Variants in RHOQ observed in about 807,000 individuals in gnomAD.
The protein encoded by RHOQ is ras homolog family member Q.
Under a neutral mutation model 25.8 loss-of-function variants are expected in RHOQ, and 7 were observed. That is an observed-to-expected ratio of 0.27 (90% CI 0.15 to 0.51). The LOEUF is 0.51. Ranked by LOEUF, RHOQ falls within the 20% of genes least tolerant of loss-of-function variation. The pLI, the probability that RHOQ is intolerant of heterozygous loss-of-function variation, is 0.97. For synonymous variants in RHOQ, 97 were observed against 98.6 expected (o/e 0.98, Z 0.10); for missense variants, 165 against 260.6 (o/e 0.63, Z 2.53).
At chr2:46,577,035 C>T (rs747593740) in intron 4 of RHOQ, 154 of 164,074 alleles carry the variant, frequency 9.4e-4, no homozygotes, top group Non-Finnish European at 1.6e-3. Context: ...TTCTTCATTA[C>T]TTAAACAGTT....
intron 2 of RHOQ, among the ~76,000 whole-genome samples, chr2:46,573,266 A>G (rs1372001217): frequency 2.0e-5 from 3 of 152,014 alleles, no homozygotes; most frequent in Admixed American, 6.6e-5. Context: ...GTTTCACCAC[A>G]TTGGCCAGGC....
chr2:46,558,254 C>T (rs959791386), intron 2 of RHOQ, among the ~76,000 whole-genome samples: 1 of 152,176 alleles, frequency 6.6e-6, no homozygotes, highest in African/African-American at 2.4e-5. Context: ...GCCTCTATCT[C>T]TTGTATTAGA....
intron 2 of RHOQ, 35 bp downstream of exon 2, chr2:46,543,847 C>CT (rs1667939196): frequency 2.5e-6 from 4 of 1,594,478 alleles, no homozygotes; most frequent in Non-Finnish European, 3.4e-6. Context: ...CGCCCCCCTC[C>CT]TGTTCCCCAG....
rs1669403541 is a variant in RHOQ, at chr2:46,582,054, C to T, written c.*971C>T. 6.4e-6 allele frequency: 1 copy of T among 155,120 alleles called. No homozygotes were observed. The highest frequency in any genetic ancestry group is 1.4e-5 in the Non-Finnish European group (1 of 70,230). 9.6% of individuals were successfully genotyped at this position (155,120 alleles called of 1,614,324 possible). A position where few individuals can be genotyped will look rare whatever the true frequency, so the allele number is the denominator to read the frequency against. ...AAAGACCTAGAATCCAAGCGTGTTA[C>T]ATGAAAATTGTAACAGAGCAGCTGC... On this transcript the variant is annotated 3_prime_UTR_variant, in exon 5 of 5. Coordinates refer to ENST00000238738, the MANE Select transcript of RHOQ (RefSeq NM_012249.4).
rs1418735073 is a variant in RHOQ, at chr2:46,552,034, C to G, written c.201+8222C>G. On this transcript the variant is annotated intron_variant, in intron 2 of 4. Coordinates refer to ENST00000238738, the MANE Select transcript of RHOQ (RefSeq NM_012249.4). The surrounding 1 kb of genome is among the most constrained non-coding windows in gnomAD (Gnocchi z 5.0). Reference sequence around the variant, plus strand: ...TTGATGTTAAGTCACTCTCCCTAATCATCTGGCCCATGTTAAATGCCTCTT... The same window carrying G: ...TTGATGTTAAGTCACTCTCCCTAATGATCTGGCCCATGTTAAATGCCTCTT... 6.6e-6 allele frequency among the ~76,000 whole-genome samples: 1 copy of G among 152,228 alleles called. No homozygotes were observed. Among genetic ancestry groups the G allele is most frequent in the Non-Finnish European group, 1.5e-5 (1 of 68,048 alleles).
chr2:46,574,705 G>A (rs976037372), intron 2 of RHOQ, among the ~76,000 whole-genome samples: 1 of 152,098 alleles, frequency 6.6e-6, no homozygotes, highest in African/African-American at 2.4e-5. Flanking sequence ...CCCTTCAAAA[G>A]CATCACAGAA....
At chr2:46,550,157 C>T (rs2103986340) in intron 2 of RHOQ, among the ~76,000 whole-genome samples, 1 of 151,348 alleles carries the variant, frequency 6.6e-6, no homozygotes, top group Non-Finnish European at 1.5e-5. Context: ...CACTTGAGTG[C>T]AGGAATTCAA....
chr2:46,561,658 T>C (rs955590301), intron 2 of RHOQ, among the ~76,000 whole-genome samples: 3 of 149,958 alleles, frequency 2.0e-5, no homozygotes, highest in Admixed American at 1.3e-4. Context: ...GCAGATGTAT[T>C]CTCTCCACTC....
At chr2:46,575,980 A>T in intron 2 of RHOQ, 107 bp from the exon 3 acceptor site, 2 of 817,132 alleles carry the variant, frequency 2.4e-6, no homozygotes, top group South Asian at 2.7e-5. Context: ...ACATTCCACT[A>T]GTGGAGTACT....
chr2:46,545,258 A>T (rs759877311), intron 2 of RHOQ, among the ~76,000 whole-genome samples: 3 of 152,144 alleles, frequency 2.0e-5, no homozygotes, highest in Non-Finnish European at 4.4e-5. Flanking sequence ...ACTAAGACTG[A>T]CTTTTAAGTC....
At chr2:46,546,512 G>GTATATA (rs1277018572) in intron 2 of RHOQ, among the ~76,000 whole-genome samples, 1 of 18,758 alleles carries the variant, frequency 5.3e-5, no homozygotes, top group Non-Finnish European at 1.1e-4. Flanking sequence ...ATATATATAT[G>GTATATA]TATATACATA....
chr2:46,557,631 A>T (rs185944036), intron 2 of RHOQ, among the ~76,000 whole-genome samples: 407 of 152,228 alleles, frequency 2.7e-3, no homozygotes, highest in East Asian at 7.7e-3. Context: ...TAATTTTTTT[A>T]AAAAAACTCA....
At chr2:46,543,368 G>T in intron 1 of RHOQ, 180 bp downstream of exon 1, 1 of 645,522 alleles carries the variant, frequency 1.5e-6, no homozygotes, top group Non-Finnish European at 2.7e-6. Flanking sequence ...CTCGCCCGCT[G>T]ATCCACCCCC....
Position 46,582,913 on chromosome 2 carries a change from C to A in RHOQ, c.*1830C>A, listed in dbSNP as rs1669447974. ...AATCGGACATTTGGATGTCTTCTTTCTTCCAAGAAATGGTGGTTCACATTA... is the reference window on the plus strand; with the variant it reads ...AATCGGACATTTGGATGTCTTCTTTATTCCAAGAAATGGTGGTTCACATTA... On this transcript the variant is annotated 3_prime_UTR_variant, in exon 5 of 5. Transcript: ENST00000238738. 6.6e-6 allele frequency: 1 copy of A among 152,352 alleles called. No individual in the cohort carries two copies. Among genetic ancestry groups the A allele is most frequent in the Non-Finnish European group, 1.5e-5 (1 of 68,022 alleles). 9.4% of individuals were successfully genotyped at this position (152,352 alleles called of 1,614,324 possible). A position where few individuals can be genotyped will look rare whatever the true frequency, so the allele number is the denominator to read the frequency against.
rs934502983 is a variant in RHOQ at position 46,574,732 on chromosome 2, C to A, written c.202-1355C>A. ...ATCACAGAAAAACAAAAGGGTTACC[C>A]ACCAGTCAAGGGTTTGGGACATTAA... On this transcript the variant is annotated intron_variant, in intron 2 of 4. Transcript: ENST00000238738. Among the ~76,000 whole-genome samples the A allele has an allele frequency of 5.3e-5, 8 of 152,136 alleles. No homozygotes were observed. The East Asian group carries it at 1.5e-3, about 29-fold the overall frequency.
rs186583689 is a variant in RHOQ, at chr2:46,576,869, A to C, written c.462+213A>C. 1.4e-3 allele frequency: 531 copies of C among 389,642 alleles called. 1 individual carries two copies. The highest frequency in any genetic ancestry group is 0.01 in the African/African-American group (504 of 48,220). The allele number at this position is 389,642 out of a possible 1,614,324, so 24.1% of individuals were successfully genotyped here. ...TGGGAGATGTCAGATAATTCGCCCA[A>C]GATCCTGCAGGTAATAAATGGCAGA... On this transcript the variant is annotated intron_variant, in intron 4 of 4. Coordinates refer to ENST00000238738, the MANE Select transcript of RHOQ (RefSeq NM_012249.4). The surrounding 1 kb of genome is among the most constrained non-coding windows in gnomAD (Gnocchi z 5.1).
At chr2:46,568,934 C>T (rs528842021) in intron 2 of RHOQ, 2 of 152,210 alleles carry the variant, frequency 1.3e-5, no homozygotes, top group East Asian at 3.8e-4. Flanking sequence ...AAGGAGTATA[C>T]CACATGGAAA....
In RHOQ at chr2:46,543,769, G is replaced by A; in HGVS notation, c.158G>A (p.Gly53Glu). The change falls in exon 2 of 5, where the codon GGG becomes GAG. Residue 53 changes from glycine (G) to glutamate (E), a missense_variant. Physicochemically the swap from Gly to Glu is moderately conservative, Grantham distance 98 (BLOSUM62 -2). Coordinates refer to ENST00000238738, the MANE Select transcript of RHOQ (RefSeq NM_012249.4). ...FDHYAVSVTV[G>E]GKQYLLGLYD... ...GTCCTTGCAGTCAGCGTCACCGTGG[G>A]GGGCAAGCAGTACCTCCTAGGACTC... is the stretch of plus-strand genomic sequence containing the variant. 6.2e-7 allele frequency: 1 copy of A among 1,613,788 alleles called. No homozygotes were observed. Among genetic ancestry groups the A allele is most frequent in the Admixed American group, 1.7e-5 (1 of 59,996 alleles).
intron 4 of RHOQ, chr2:46,580,715 T>G (rs775281890): frequency 1.3e-5 from 5 of 396,032 alleles, no homozygotes; most frequent in African/African-American, 2.1e-5. Flanking sequence ...AGATACCCAG[T>G]AAATATGTGG....
Sources: allele counts gnomAD v4.1 joint callset (sites outside exome capture counted in the v4.1 genomes callset), GRCh38; gene constraint gnomAD v4.1.1; non-coding constraint Gnocchi (gnomAD v3.1); transcripts MANE v1.5; gene names NCBI Gene and HGNC (gene_info 2026-07-23, HGNC 2026-07-21).